Variants in CREB1 observed in about 807,000 individuals in gnomAD.
CREB1 encodes the protein cAMP responsive element binding protein 1.
CREB1 carries 2 observed loss-of-function variants against 42.0 expected under a neutral mutation model. The ratio of observed to expected loss-of-function variants is 0.05; its 90% CI spans 0.02 to 0.15. The LOEUF (loss-of-function observed/expected upper bound fraction) is 0.15, where lower values mean the gene tolerates loss of function less well. Among genes scored for constraint, CREB1 ranks in the 10% least tolerant of loss-of-function variants. The pLI is 1.00. For missense variants in CREB1, 199 were observed against 388.9 expected (o/e 0.51, Z 4.11); for synonymous variants, 123 against 139.9 (o/e 0.88, Z 0.85).
intron 5 of CREB1, among the ~76,000 whole-genome samples, chr2:207,571,146 A>G (rs1233472156): frequency 6.6e-6 from 1 of 150,908 alleles, no homozygotes; most frequent in Non-Finnish European, 1.5e-5. Flanking sequence ...TTCAAATTAA[A>G]TGTACACATT....
rs550426049 is a variant in CREB1 at position 207,551,997 on chromosome 2, G to A, written c.-8-3631G>A. Among the ~76,000 whole-genome samples, 454 of 135,830 alleles carry A rather than the reference G, an allele frequency of 3.3e-3. 3 individuals are homozygous for A. The highest frequency in any genetic ancestry group is 0.012 in the African/African-American group (433 of 36,436). 89.1% of individuals were successfully genotyped at this position (135,830 alleles called of 152,430 possible). A position where few individuals can be genotyped will look rare whatever the true frequency, so the allele number is the denominator to read the frequency against. ...GCGGAGGTTGCAGTGAGCCGAGATC[G>A]AGCCATTGCACTCCAGCCTGGGCAA... On this transcript the variant is annotated intron_variant, in intron 1 of 7. Coordinates refer to ENST00000353267, the MANE Select transcript of CREB1 (RefSeq NM_004379.5).
chr2:207,552,282 G>A (rs1480641038), intron 1 of CREB1, among the ~76,000 whole-genome samples: 2 of 151,962 alleles, frequency 1.3e-5, no homozygotes, highest in Non-Finnish European at 2.9e-5. Flanking sequence ...TTATTGTAAT[G>A]GAGTAATATT....
At chr2:207,582,627 T>C (rs546462302) in intron 7 of CREB1, among the ~76,000 whole-genome samples, 1 of 152,332 alleles carries the variant, frequency 6.6e-6, no homozygotes, top group African/African-American at 2.4e-5. Context: ...CAGGTTCTCA[T>C]CTTGTGTTTT....
At chr2:207,558,402 A>G (rs927422348) in intron 2 of CREB1, among the ~76,000 whole-genome samples, 1 of 152,342 alleles carries the variant, frequency 6.6e-6, no homozygotes, top group African/African-American at 2.4e-5. Flanking sequence ...TCTTTCAGAC[A>G]TGAAACATTG....
chr2:207,535,726 A>C (rs1186181268), intron 1 of CREB1, among the ~76,000 whole-genome samples: 7 of 151,812 alleles, frequency 4.6e-5, no homozygotes, highest in Non-Finnish European at 8.8e-5. Context: ...CAGCCAAAGC[A>C]CAAAATGCGT....
chr2:207,591,301 T>C (rs2084978788), intron 7 of CREB1, among the ~76,000 whole-genome samples: 1 of 152,254 alleles, frequency 6.6e-6, no homozygotes, highest in Admixed American at 6.5e-5. Flanking sequence ...ATCTTCCATT[T>C]AGAATTATGT....
intron 1 of CREB1, among the ~76,000 whole-genome samples, chr2:207,543,703 A>G (rs182266229): frequency 1.0e-3 from 155 of 148,364 alleles, no homozygotes; most frequent in African/African-American, 3.5e-3. Flanking sequence ...CCTGGGTTCA[A>G]GTGATTCTCC....
chr2:207,568,371 A>G (rs1283739360), intron 4 of CREB1, among the ~76,000 whole-genome samples: 1 of 152,114 alleles, frequency 6.6e-6, no homozygotes, highest in Non-Finnish European at 1.5e-5. Flanking sequence ...TTTATGTTAT[A>G]TGTATTTATA....
intron 7 of CREB1, chr2:207,582,008 T>C: frequency 1.4e-6 from 1 of 699,102 alleles, no homozygotes; most frequent in Non-Finnish European, 2.6e-6. Context: ...AGTGTGCCTT[T>C]CTCATAACAT....
At chr2:207,576,612 CT>C (rs1156994397) in intron 6 of CREB1, 2 of 1,131,026 alleles carry the variant, frequency 1.8e-6, no homozygotes, top group South Asian at 1.3e-5. Flanking sequence ...AGTAAAACAC[CT>C]TTTCACTTTA....
chr2:207,534,437 A>G (rs912270241), intron 1 of CREB1, among the ~76,000 whole-genome samples: 1 of 152,156 alleles, frequency 6.6e-6, no homozygotes, highest in African/African-American at 2.4e-5. Context: ...GGGTTTCACC[A>G]TGTTGGTCAG....
chr2:207,543,092 A>G (rs73983452), intron 1 of CREB1, among the ~76,000 whole-genome samples: 1 of 152,170 alleles, frequency 6.6e-6, no homozygotes, highest in Non-Finnish European at 1.5e-5. Flanking sequence ...ATATCCTCCC[A>G]TATACTTTAA....
intron 2 of CREB1, among the ~76,000 whole-genome samples, chr2:207,557,227 A>G (rs749836471): frequency 4.6e-5 from 7 of 151,988 alleles, no homozygotes; most frequent in Admixed American, 1.3e-4. Context: ...TATTTTGTCC[A>G]GTCTGGTTGT....
At chr2:207,562,879 C>G (rs1272453548) in intron 3 of CREB1, among the ~76,000 whole-genome samples, 1 of 152,146 alleles carries the variant, frequency 6.6e-6, no homozygotes, top group Non-Finnish European at 1.5e-5. Flanking sequence ...ATTCCTACAA[C>G]AAATGTTTAT....
intron 1 of CREB1, among the ~76,000 whole-genome samples, chr2:207,539,691 G>C (rs1213619738): frequency 6.6e-6 from 1 of 152,164 alleles, no homozygotes; most frequent in African/African-American, 2.4e-5. Flanking sequence ...GTACATGACA[G>C]AGTTTTTACT....
At chr2:207,549,768 G>T (rs746586511) in intron 1 of CREB1, among the ~76,000 whole-genome samples, 3 of 152,108 alleles carry the variant, frequency 2.0e-5, no homozygotes, top group Non-Finnish European at 4.4e-5. Context: ...AGATCACAAG[G>T]TCAGGAGATC....
chr2:207,534,902 A>C (rs2080806332), intron 1 of CREB1, among the ~76,000 whole-genome samples: 1 of 152,220 alleles, frequency 6.6e-6, no homozygotes, highest in Admixed American at 6.5e-5. Flanking sequence ...AAATGGTAGC[A>C]TACTAGGTAT....
At position 207,600,569 on chromosome 2, in the gene CREB1, A is replaced by G; in HGVS notation, c.*3511A>G. 1 of 212,094 alleles carries G rather than the reference A, an allele frequency of 4.7e-6. No individual in the cohort carries two copies. The highest frequency in any genetic ancestry group is 9.6e-6 in the Non-Finnish European group (1 of 104,564). The allele number at this position is 212,094 out of a possible 1,614,324, so 13.1% of individuals were successfully genotyped here. On this transcript the variant is annotated 3_prime_UTR_variant, in exon 8 of 8. Coordinates refer to ENST00000353267, the MANE Select transcript of CREB1 (RefSeq NM_004379.5). ...GTCTGTGGCAGCTATAACAGTGGTA[A>G]GAACATTTTGAAGATAGCTTTTTAA... is the stretch of plus-strand genomic sequence containing the variant.
intron 7 of CREB1, among the ~76,000 whole-genome samples, chr2:207,588,139 C>CCTT (rs60458575): frequency 6.6e-6 from 1 of 152,092 alleles, no homozygotes; most frequent in Non-Finnish European, 1.5e-5. Context: ...ACACAGACTT[C>CCTT]GTTTTCCTCT....
Sources: allele counts gnomAD v4.1 joint callset (sites outside exome capture counted in the v4.1 genomes callset), GRCh38; gene constraint gnomAD v4.1.1; transcripts MANE v1.5; gene names NCBI Gene and HGNC (gene_info 2026-07-23, HGNC 2026-07-21).